The following SPOCK1 variants were observed in gnomAD, a reference collection of about 807,000 sequenced individuals.
SPOCK1 encodes testican-1.
SPOCK1 carries 23 observed loss-of-function variants against 55.3 expected under a neutral mutation model. The ratio of observed to expected loss-of-function variants is 0.42; its 90% confidence interval spans 0.30 to 0.59. The LOEUF is 0.59. Among genes scored for constraint, SPOCK1 ranks in the 20% least tolerant of loss-of-function variants. The pLI, the probability that SPOCK1 is intolerant of heterozygous loss-of-function variation, is 0.22. For synonymous variants in SPOCK1, 226 were observed against 221.0 expected (o/e 1.02, Z -0.20); for missense variants, 499 against 552.5 (o/e 0.90, Z 0.97).
intron 6 of SPOCK1, among the ~76,000 whole-genome samples, chr5:137,058,069 C>T (rs1026375035): frequency 6.6e-6 from 1 of 152,042 alleles, no homozygotes; most frequent in Non-Finnish European, 1.5e-5. Context: ...GCTGTGATCT[C>T]GTAAAGGGCT....
At chr5:137,099,578 GTATA>G (rs34194618) in intron 5 of SPOCK1, among the ~76,000 whole-genome samples, 11 of 150,264 alleles carry the variant, frequency 7.3e-5, no homozygotes, top group South Asian at 4.2e-4. Context: ...ATATGTGTGT[GTATA>G]TATATATATA....
At chr5:137,074,264 T>G (rs6596365) in intron 5 of SPOCK1, among the ~76,000 whole-genome samples, 64,320 of 152,008 alleles carry the variant, frequency 0.42, 14,530 homozygotes, top group East Asian at 0.58. Flanking sequence ...AACACATTAT[T>G]ATACAAACAT....
intron 6 of SPOCK1, among the ~76,000 whole-genome samples, chr5:137,066,618 T>G (rs369120110): frequency 6.6e-6 from 1 of 152,228 alleles, no homozygotes; most frequent in African/African-American, 2.4e-5. Flanking sequence ...ACAAAGAGGC[T>G]TATGTATATT....
At chr5:137,094,463 TG>T (rs959792934) in intron 5 of SPOCK1, among the ~76,000 whole-genome samples, 2 of 152,350 alleles carry the variant, frequency 1.3e-5, no homozygotes, top group Non-Finnish European at 2.9e-5. Context: ...TCAAATTTTT[TG>T]GCTTCCTGGT....
intron 2 of SPOCK1, among the ~76,000 whole-genome samples, chr5:137,306,908 T>C (rs1385468986): frequency 6.6e-6 from 1 of 152,206 alleles, no homozygotes; most frequent in African/African-American, 2.4e-5. Flanking sequence ...GGTGCACCCA[T>C]GTTTGAACAA....
At chr5:137,143,709 A>C (rs1554099941) in intron 3 of SPOCK1, among the ~76,000 whole-genome samples, 1 of 152,190 alleles carries the variant, frequency 6.6e-6, no homozygotes, top group African/African-American at 2.4e-5. Flanking sequence ...AGTTTTCATA[A>C]TAACAAAGAA....
chr5:137,117,139 C>G (rs1444816715), intron 4 of SPOCK1, among the ~76,000 whole-genome samples: 1 of 152,230 alleles, frequency 6.6e-6, no homozygotes, highest in Non-Finnish European at 1.5e-5. Context: ...TGGACACCTC[C>G]ATCTTCCTGC....
At chr5:137,449,522 C>G (rs886762261) in intron 2 of SPOCK1, among the ~76,000 whole-genome samples, 1 of 152,134 alleles carries the variant, frequency 6.6e-6, no homozygotes, top group East Asian at 1.9e-4. Context: ...TAGATACTGT[C>G]AAATTTTAGA....
Position 137,479,411 on chromosome 5 carries a change from A to G in SPOCK1, c.186+18962T>C, listed in dbSNP as rs995462344. 5.3e-5 allele frequency among the ~76,000 whole-genome samples: 8 copies of G among 152,332 alleles called. No individual in the cohort carries two copies. In the East Asian group the frequency reaches 9.7e-4, roughly 18 times the overall value. ...CTATAGGTGAGAGGACTTTAGCAGCATAACTCTGCAGGATAGATCCCCAGA... is the reference window on the plus strand; with the variant it reads ...CTATAGGTGAGAGGACTTTAGCAGCGTAACTCTGCAGGATAGATCCCCAGA... On this transcript the variant is annotated intron_variant, in intron 2 of 10. Coordinates refer to ENST00000394945, the MANE Select transcript of SPOCK1 (RefSeq NM_004598.4).
chr5:137,435,333 G>A (rs1045780834), intron 2 of SPOCK1, among the ~76,000 whole-genome samples: 27 of 152,138 alleles, frequency 1.8e-4, no homozygotes, highest in Non-Finnish European at 3.2e-4. Context: ...AATAAGACCT[G>A]CCAAATTGAT....
rs568638055 is a variant in SPOCK1, at chr5:136,995,552, A to G, written c.590-2952T>C. On this transcript the variant is annotated intron_variant, in intron 6 of 10. Transcript: ENST00000394945. Reference sequence around the variant, plus strand: ...TTGTGCATTCCGTAGTCAATTTCACATTTGAAAATGGGAAACTAATAGCCT... The same window carrying G: ...TTGTGCATTCCGTAGTCAATTTCACGTTTGAAAATGGGAAACTAATAGCCT... Among the ~76,000 whole-genome samples the G allele has an allele frequency of 4.6e-5, 7 of 152,308 alleles. No homozygotes were observed. In the South Asian group the frequency reaches 1.0e-3, roughly 23 times the overall value.
chr5:137,238,476 C>G (rs1756223413), intron 3 of SPOCK1, among the ~76,000 whole-genome samples: 1 of 151,760 alleles, frequency 6.6e-6, no homozygotes, highest in African/African-American at 2.4e-5. Context: ...AAAGGCAACT[C>G]AAAATGAATC....
intron 6 of SPOCK1, among the ~76,000 whole-genome samples, chr5:137,018,470 C>T (rs1212599160): frequency 2.0e-5 from 3 of 152,144 alleles, no homozygotes; most frequent in African/African-American, 4.8e-5. Context: ...TCCCCTCCCT[C>T]AGGTATCTCA....
chr5:137,430,787 T>C, intron 2 of SPOCK1, among the ~76,000 whole-genome samples: 1 of 152,218 alleles, frequency 6.6e-6, no homozygotes, highest in East Asian at 1.9e-4. Context: ...ATACCGTAAC[T>C]GACTGTTGAG....
At chr5:137,127,494 G>A (rs1370372840) in intron 4 of SPOCK1, among the ~76,000 whole-genome samples, 1 of 152,270 alleles carries the variant, frequency 6.6e-6, no homozygotes, top group Non-Finnish European at 1.5e-5. Context: ...TCCAGAAGGT[G>A]AGACTCTCAC....
intron 2 of SPOCK1, among the ~76,000 whole-genome samples, chr5:137,359,607 A>G (rs1750896844): frequency 6.6e-6 from 1 of 152,230 alleles, no homozygotes; most frequent in African/African-American, 2.4e-5. Flanking sequence ...AAAGAAATGC[A>G]AATTGTGTTA....
chr5:137,207,279 T>C (rs1246889152), intron 3 of SPOCK1, among the ~76,000 whole-genome samples: 2 of 152,218 alleles, frequency 1.3e-5, no homozygotes, highest in Non-Finnish European at 1.5e-5. Flanking sequence ...CCTGCAGGCC[T>C]GGAACAGGCC....
chr5:137,139,504 G>A (rs1332815183), intron 4 of SPOCK1, among the ~76,000 whole-genome samples: 1 of 152,084 alleles, frequency 6.6e-6, no homozygotes, highest in Admixed American at 6.5e-5. Flanking sequence ...GGAAGGGATA[G>A]GACCCATTCT....
At chr5:137,117,092 G>A (rs1753600498) in intron 4 of SPOCK1, among the ~76,000 whole-genome samples, 1 of 152,202 alleles carries the variant, frequency 6.6e-6, no homozygotes, top group Non-Finnish European at 1.5e-5. Context: ...AACAGGACAT[G>A]GGGCACACCC....
Sources: gnomAD v4.1 joint callset for allele counts (sites outside exome capture counted in the v4.1 genomes callset) on GRCh38, gnomAD v4.1.1 for gene constraint, MANE v1.5 for transcripts, NCBI Gene and HGNC (gene_info 2026-07-23, HGNC 2026-07-21) for gene names.